Variants in MME observed in about 807,000 individuals in gnomAD.
The protein encoded by MME is membrane metalloendopeptidase.
Under a neutral mutation model 113.2 loss-of-function variants are expected in MME, and 98 were observed. The observed-to-expected ratio is 0.87, with a 90% CI of 0.74 to 1.02. The LOEUF (loss-of-function observed/expected upper bound fraction) is 1.02, where lower values mean the gene tolerates loss of function less well. Ranked by LOEUF, MME falls within the 50% of genes least tolerant of loss-of-function variation. MME has a pLI of 0.00. For synonymous variants in MME, 292 were observed against 300.6 expected (o/e 0.97, Z 0.30); for missense variants, 836 against 896.0 (o/e 0.93, Z 0.86).
chr3:155,125,977 T>C (rs1719618056), intron 8 of MME, among the ~76,000 whole-genome samples: 1 of 152,218 alleles, frequency 6.6e-6, no homozygotes. Context: ...AATATGTTTA[T>C]GATTGGCATT....
At chr3:155,090,869 G>A (rs985995971) in intron 3 of MME, among the ~76,000 whole-genome samples, 3 of 152,224 alleles carry the variant, frequency 2.0e-5, no homozygotes, top group African/African-American at 7.2e-5. Context: ...CCAGATCATG[G>A]TGATGCCCTA....
At chr3:155,066,795 C>A (rs75177669) in intron 1 of MME, among the ~76,000 whole-genome samples, 7,694 of 152,252 alleles carry the variant, frequency 0.051, 218 homozygotes, top group African/African-American at 0.076. Context: ...CTAAGGACTG[C>A]TCTCTGTTGA....
intron 1 of MME, among the ~76,000 whole-genome samples, chr3:155,058,358 C>T (rs73874488): frequency 0.053 from 8,075 of 152,218 alleles, 622 homozygotes; most frequent in African/African-American, 0.17. Context: ...TCCCCTACCC[C>T]TACCACTAAG....
chr3:155,117,154 A>G (rs2108257666), intron 7 of MME, among the ~76,000 whole-genome samples, 168 bp downstream of exon 7: 1 of 152,266 alleles, frequency 6.6e-6, no homozygotes, highest in East Asian at 1.9e-4. Context: ...CCAATTTTGA[A>G]AGTATTTTCT....
In MME at chr3:155,147,300, C is replaced by T. The variant is rs989095836; in HGVS notation, c.1497+76C>T. On this transcript the variant is annotated intron_variant, in intron 15 of 22. Transcript: ENST00000360490. The stretch of plus-strand genomic sequence containing the variant: ...TAGTGTCATTTTTAGCTATGGGGTG[C>T]CTGAAATTATATGAAGTAGCCTGAA... 6.6e-6 allele frequency: 6 copies of T among 911,842 alleles called. No homozygotes were observed. In the East Asian group the frequency reaches 9.7e-5, roughly 15 times the overall value. 56.5% of individuals were successfully genotyped at this position (911,842 alleles called of 1,614,324 possible). A position where few individuals can be genotyped will look rare whatever the true frequency, so the allele number is the denominator to read the frequency against.
chr3:155,109,670 A>T (rs1484846599), intron 3 of MME, among the ~76,000 whole-genome samples: 1 of 152,118 alleles, frequency 6.6e-6, no homozygotes, highest in Non-Finnish European at 1.5e-5. Context: ...CATTAGACCC[A>T]CTCTAGAAAA....
rs1466413094 is a variant in MME at position 155,025,843 on chromosome 3, C to T, written c.-11+1519C>T. ...CCAAGTAGCTGGGATTACAGGTGCCCGCCACCATACCCAGCTAATTTTTAT... is the reference window on the plus strand; with the variant it reads ...CCAAGTAGCTGGGATTACAGGTGCCTGCCACCATACCCAGCTAATTTTTAT... On this transcript the variant is annotated intron_variant, in intron 1 of 22. Transcript: ENST00000492661. 2.7e-5 allele frequency among the ~76,000 whole-genome samples: 4 copies of T among 150,640 alleles called. 1 individual carries two copies. The highest frequency in any genetic ancestry group is 6.3e-3 in the Middle Eastern group (2 of 316).
At chr3:155,119,583 A>G (rs1366903589) in intron 8 of MME, among the ~76,000 whole-genome samples, 1 of 98,148 alleles carries the variant, frequency 1.0e-5, no homozygotes, top group African/African-American at 4.0e-5. Context: ...CCACCCCACC[A>G]CAGTCCCCAG....
At chr3:155,165,692 A>C (rs1723041479) in intron 17 of MME, among the ~76,000 whole-genome samples, 2 of 152,174 alleles carry the variant, frequency 1.3e-5, no homozygotes, top group African/African-American at 4.8e-5. Flanking sequence ...TTCCTGAGAC[A>C]AGGAATGAGA....
rs191800502 is a variant in MME at position 155,065,250 on chromosome 3, A to G, written c.-10-18908A>G. Among the ~76,000 whole-genome samples the G allele has an allele frequency of 8.4e-4, 128 of 152,252 alleles. 4 individuals carry two copies. The South Asian group carries it at 0.017, about 20-fold the overall frequency. On this transcript the variant is annotated intron_variant, in intron 1 of 22. Coordinates refer to the MME transcript ENST00000492661. ...AACTAACCACTTTGGACATTCTTTC[A>G]TCAAGGCACATATAGCTGTAGCTAC...
At chr3:155,114,934 T>C (rs1718472033) in intron 3 of MME, 60 bp from the exon 4 acceptor site, 1 of 1,573,226 alleles carries the variant, frequency 6.4e-7, no homozygotes, top group Admixed American at 1.7e-5. Flanking sequence ...CTTTTTCTCC[T>C]TTTAAGCCTC....
At chr3:155,074,678 C>T (rs1048321393), upstream of MME, among the ~76,000 whole-genome samples, 12 of 152,052 alleles carry the variant, frequency 7.9e-5, no homozygotes, top group African/African-American at 1.9e-4. Context: ...GTGATCCTCC[C>T]GCCTCAGCTT....
intron 1 of MME, among the ~76,000 whole-genome samples, chr3:155,036,472 T>G (rs533323623): frequency 1.3e-3 from 191 of 152,286 alleles, no homozygotes; most frequent in African/African-American, 4.3e-3. Flanking sequence ...CTGATTTTTG[T>G]CCCTATACCT....
intron 16 of MME, among the ~76,000 whole-genome samples, chr3:155,152,373 T>C (rs899841963): frequency 6.6e-6 from 1 of 152,180 alleles, no homozygotes; most frequent in African/African-American, 2.4e-5. Context: ...TACATTTTAC[T>C]ACGTTTAGTT....
chr3:155,108,511 G>T (rs902973968), intron 3 of MME, among the ~76,000 whole-genome samples: 6 of 151,720 alleles, frequency 4.0e-5, no homozygotes, highest in African/African-American at 1.5e-4. Context: ...CAGGAGAATC[G>T]CTTGAACCCG....
At chr3:155,052,175 C>G (rs112512127) in intron 1 of MME, among the ~76,000 whole-genome samples, 1 of 152,144 alleles carries the variant, frequency 6.6e-6, no homozygotes, top group South Asian at 2.1e-4. Context: ...GGTACAGTCC[C>G]GCATCCTGGC....
chr3:155,037,611 G>T (rs1296716181), intron 1 of MME, among the ~76,000 whole-genome samples: 1 of 152,208 alleles, frequency 6.6e-6, no homozygotes, highest in Non-Finnish European at 1.5e-5. Context: ...GGCTCAGAAA[G>T]ATGAGGAAGA....
chr3:155,059,673 A>T (rs1714071245), intron 1 of MME, among the ~76,000 whole-genome samples: 2 of 152,192 alleles, frequency 1.3e-5, no homozygotes, highest in South Asian at 4.1e-4. Flanking sequence ...TTTACTAGAA[A>T]GTTTATTTCA....
At position 155,116,982 on chromosome 3, in the gene MME, T is replaced by C. The variant is rs1718677283; in HGVS notation, c.650T>C (p.Ile217Thr). ...TDDKNSVNHV[I>T]HIDQPRLGLP... ...GATAAGAATTCTGTGAATCATGTAA[T>C]TCATGTAAGTTTGTGTGTCAAATAA... The change falls in exon 7 of 23, where the codon ATT becomes ACT. Residue 217 changes from isoleucine (I) to threonine (T), a missense_variant. Coordinates refer to ENST00000360490, the MANE Select transcript of MME (RefSeq NM_007289.4). 6.6e-7 allele frequency: 1 copy of C among 1,520,104 alleles called. No homozygotes were observed. Among genetic ancestry groups the C allele is most frequent in the Non-Finnish European group, 9.1e-7 (1 of 1,095,514 alleles). 94.2% of individuals were successfully genotyped at this position (1,520,104 alleles called of 1,614,324 possible).
Sources: allele counts gnomAD v4.1 joint callset (sites outside exome capture counted in the v4.1 genomes callset), GRCh38; gene constraint gnomAD v4.1.1; transcripts MANE v1.5; gene names NCBI Gene and HGNC (gene_info 2026-07-23, HGNC 2026-07-21).